SCAMP1: variants seen among roughly 807,000 people sequenced by gnomAD.
SCAMP1 encodes secretory carrier-associated membrane protein 1.
In SCAMP1, 15 loss-of-function variants were observed where a neutral mutation model predicts 41.8. The ratio of observed to expected loss-of-function variants is 0.36; its 90% CI spans 0.24 to 0.55. The LOEUF (loss-of-function observed/expected upper bound fraction) is 0.55, where lower values mean the gene tolerates loss of function less well. SCAMP1 is among the 20% of genes least tolerant of loss of function. The pLI is 0.86. For synonymous variants in SCAMP1, 135 were observed against 136.8 expected, an observed-to-expected ratio of 0.99 and a Z score of 0.09; for missense variants, 341 against 412.6, an observed-to-expected ratio of 0.83 and a Z score of 1.50.
chr5:78,461,765 T>G (rs562242818), intron 8 of SCAMP1, among the ~76,000 whole-genome samples: 17 of 152,246 alleles, frequency 1.1e-4, no homozygotes, highest in Non-Finnish European at 2.4e-4. Context: ...GATTTCACCA[T>G]GTTGGCCAGG....
At chr5:78,432,019 A>ATT (rs1752637322) in intron 6 of SCAMP1, among the ~76,000 whole-genome samples, 1 of 152,062 alleles carries the variant, frequency 6.6e-6, no homozygotes, top group Non-Finnish European at 1.5e-5. Flanking sequence ...TATTTTGACA[A>ATT]TAGTCACCCT....
chr5:78,375,108 CAG>C (rs1561250907), intron 1 of SCAMP1, among the ~76,000 whole-genome samples: 1 of 151,984 alleles, frequency 6.6e-6, no homozygotes, highest in East Asian at 1.9e-4. Context: ...AAATTGAACT[CAG>C]GGGAGGGCCT....
chr5:78,399,619 G>C (rs1464624933), intron 2 of SCAMP1, among the ~76,000 whole-genome samples: 1 of 152,142 alleles, frequency 6.6e-6, no homozygotes, highest in Non-Finnish European at 1.5e-5. Context: ...CTTCTTTTAT[G>C]AAGTTTCTGT....
At chr5:78,403,792 C>A (rs1309662434) in intron 2 of SCAMP1, among the ~76,000 whole-genome samples, 1 of 150,040 alleles carries the variant, frequency 6.7e-6, no homozygotes, top group African/African-American at 2.5e-5. Context: ...ATGGTGAAAC[C>A]CTGTCTCTAC....
rs1464138286 is a variant in SCAMP1 at position 78,479,829 on chromosome 5, T to A, written c.*4161T>A. 1.3e-5 allele frequency among the ~76,000 whole-genome samples: 2 copies of A among 151,920 alleles called. No individual in the cohort carries two copies. Among genetic ancestry groups the A allele is most frequent in the Non-Finnish European group, 2.9e-5 (2 of 67,984 alleles). ...AGGCCAAGGTGGGCGGATCACGAGG[T>A]CAGGAGATCGAAACCATCCTGGCTA... is the stretch of plus-strand genomic sequence containing the variant. On this transcript the variant is annotated 3_prime_UTR_variant, in exon 9 of 9. Coordinates refer to ENST00000621999, the MANE Select transcript of SCAMP1 (RefSeq NM_004866.6).
rs1754021379 is a variant in SCAMP1, at chr5:78,477,029, C to A, written c.*1361C>A. 6.6e-6 allele frequency: 1 copy of A among 152,062 alleles called. No homozygotes were observed. The highest frequency in any genetic ancestry group is 1.5e-5 in the Non-Finnish European group (1 of 67,972). 9.4% of individuals were successfully genotyped at this position (152,062 alleles called of 1,614,324 possible). On this transcript the variant is annotated 3_prime_UTR_variant, in exon 9 of 9. Transcript: ENST00000621999. ...AAAGTCTTTAACTAAATTAAGATTG[C>A]AGAATGATAGTGATTATTCAATTAG... is the stretch of plus-strand genomic sequence containing the variant.
chr5:78,362,828 A>G (rs1471718908), intron 1 of SCAMP1, among the ~76,000 whole-genome samples: 1 of 150,242 alleles, frequency 6.7e-6, no homozygotes, highest in African/African-American at 2.4e-5. Context: ...CATTTCTGAT[A>G]CTCTACTTAA....
intron 2 of SCAMP1, among the ~76,000 whole-genome samples, chr5:78,390,193 G>A (rs1478546932): frequency 2.0e-5 from 3 of 152,280 alleles, no homozygotes; most frequent in Admixed American, 2.0e-4. Flanking sequence ...GAATTGGTTG[G>A]TGTTGGGGGA....
intron 8 of SCAMP1, among the ~76,000 whole-genome samples, chr5:78,460,968 G>A (rs1057254995): frequency 2.0e-5 from 3 of 151,698 alleles, no homozygotes; most frequent in Admixed American, 6.6e-5. Context: ...CAATTTTCCT[G>A]TCTCAGCCTC....
At chr5:78,363,327 C>G (rs1192971163) in intron 1 of SCAMP1, among the ~76,000 whole-genome samples, 1 of 152,018 alleles carries the variant, frequency 6.6e-6, no homozygotes, top group Non-Finnish European at 1.5e-5. Flanking sequence ...ATTCTCCTGC[C>G]TCAGACTCCC....
In SCAMP1 at chr5:78,427,663, G is replaced by A. The variant is rs887133061; in HGVS notation, c.632+5703G>A. Among the ~76,000 whole-genome samples, 4 of 152,152 alleles carry A rather than the reference G, an allele frequency of 2.6e-5. No individual in the cohort carries two copies. In the South Asian group the frequency reaches 8.3e-4, roughly 32 times the overall value. ...ACCATTTCACATTCCCATCAGCAAC[G>A]TCTGAGGGTTCTAGTTTCTCTGCAT... On this transcript the variant is annotated intron_variant, in intron 6 of 8. Transcript: ENST00000621999.
rs1300768455 is a variant in SCAMP1, at chr5:78,413,120, T to G, written c.136-2400T>G. 2.0e-5 allele frequency among the ~76,000 whole-genome samples: 3 copies of G among 152,244 alleles called. No individual in the cohort carries two copies. The East Asian group carries it at 5.8e-4, about 29-fold the overall frequency. On this transcript the variant is annotated intron_variant, in intron 2 of 8. Transcript: ENST00000621999. The stretch of plus-strand genomic sequence containing the variant: ...ATCATGAATTTACCTCGAATTAATC[T>G]TTGTATATGATGCGAAGTAAGAAAT...
chr5:78,404,453 GTTT>G (rs3058233), intron 2 of SCAMP1, among the ~76,000 whole-genome samples: 1,012 of 98,176 alleles, frequency 0.01, 18 homozygotes, highest in African/African-American at 0.039. Context: ...AGCCTTACAG[GTTT>G]TTTTTTTTTT....
intron 2 of SCAMP1, among the ~76,000 whole-genome samples, chr5:78,409,655 G>A (rs1005412124): frequency 6.6e-5 from 10 of 152,120 alleles, no homozygotes; most frequent in Non-Finnish European, 1.5e-4. Context: ...ATAGCTATTA[G>A]ATTTATATCA....
intron 8 of SCAMP1, among the ~76,000 whole-genome samples, chr5:78,473,038 A>G (rs1753922587): frequency 1.3e-5 from 2 of 152,158 alleles, no homozygotes; most frequent in Admixed American, 1.3e-4. Context: ...GGAACATAGG[A>G]GTAGTGATTT....
At chr5:78,439,258 T>A (rs563625957) in intron 6 of SCAMP1, among the ~76,000 whole-genome samples, 5 of 152,362 alleles carry the variant, frequency 3.3e-5, no homozygotes, top group Admixed American at 1.3e-4. Flanking sequence ...CCTGTCATTA[T>A]GATGTTCGCT....
At chr5:78,437,958 C>T (rs1183088047) in intron 6 of SCAMP1, among the ~76,000 whole-genome samples, 1 of 152,060 alleles carries the variant, frequency 6.6e-6, no homozygotes, top group Admixed American at 6.6e-5. Context: ...TGTATGTATC[C>T]AGTAATTTAT....
intron 2 of SCAMP1, among the ~76,000 whole-genome samples, chr5:78,410,449 A>T (rs1752047316): frequency 6.6e-6 from 1 of 152,150 alleles, no homozygotes; most frequent in South Asian, 2.1e-4. Flanking sequence ...TTCCAGCTTC[A>T]TCGATATCCC....
chr5:78,378,325 A>G (rs557483998), intron 1 of SCAMP1, among the ~76,000 whole-genome samples: 3 of 152,230 alleles, frequency 2.0e-5, no homozygotes, highest in Non-Finnish European at 4.4e-5. Context: ...CAGGAGACTG[A>G]GCTTGATTAG....
Sources: gnomAD v4.1 joint callset for allele counts (sites outside exome capture counted in the v4.1 genomes callset) on GRCh38, gnomAD v4.1.1 for gene constraint, MANE v1.5 for transcripts, NCBI Gene and HGNC (gene_info 2026-07-23, HGNC 2026-07-21) for gene names.